PCDHA7: variants seen among roughly 807,000 people sequenced by gnomAD.
PCDHA7 encodes protocadherin alpha-7.
Under a neutral mutation model 57.2 loss-of-function variants are expected in PCDHA7, and 37 were observed. The observed-to-expected ratio is 0.65, with a 90% CI of 0.50 to 0.85. PCDHA7 has a LOEUF of 0.85. Among genes scored for constraint, PCDHA7 ranks in the 40% least tolerant of loss-of-function variants. The probability of loss-of-function intolerance (pLI) is 0.00; values close to 1 mark genes in which losing one functional copy is unlikely to be tolerated. For missense variants in PCDHA7, 1,188 were observed against 1,241.8 expected (o/e 0.96, Z 0.65); for synonymous variants, 553 against 558.8 (o/e 0.99, Z 0.15).
chr5:140,876,878 C>T (rs1305242755), intron 1 of PCDHA7: 1 of 1,614,118 alleles, frequency 6.2e-7, no homozygotes, highest in Admixed American at 1.7e-5. Context: ...GAGAACAACC[C>T]GCCGGGCTGC....
At chr5:140,950,559 T>TAA (rs1381352344) in intron 1 of PCDHA7, among the ~76,000 whole-genome samples, 1 of 152,076 alleles carries the variant, frequency 6.6e-6, no homozygotes, top group African/African-American at 2.4e-5. Flanking sequence ...GGGGGACACT[T>TAA]ATTTTAAGGT....
intron 1 of PCDHA7, chr5:140,881,346 A>G (rs534939044): frequency 1.0e-6 from 1 of 985,162 alleles, no homozygotes; most frequent in Non-Finnish European, 1.2e-6. Context: ...GATTCGGGCT[A>G]CAATGCGTGG....
At chr5:140,979,062 G>A in intron 2 of PCDHA7, 55 bp downstream of exon 2, 1 of 1,604,568 alleles carries the variant, frequency 6.2e-7, no homozygotes, top group Non-Finnish European at 8.5e-7. Flanking sequence ...GTATGGCTCA[G>A]ATAAACTGCA....
intron 1 of PCDHA7, chr5:140,966,586 T>C (rs1339521044): frequency 5.5e-6 from 3 of 548,910 alleles, no homozygotes; most frequent in Non-Finnish European, 8.8e-6. Flanking sequence ...GCGAGGACGG[T>C]GGGGCCAGGA....
At chr5:140,886,101 A>G (rs1554182351) in intron 1 of PCDHA7, among the ~76,000 whole-genome samples, 1 of 152,228 alleles carries the variant, frequency 6.6e-6, no homozygotes, top group Admixed American at 6.5e-5. Context: ...ACATTGATAC[A>G]GTAAAGAAGT....
At chr5:140,870,489 C>A in intron 1 of PCDHA7, 1 of 1,614,222 alleles carries the variant, frequency 6.2e-7, no homozygotes, top group South Asian at 1.1e-5. Context: ...ACACCGTGTT[C>A]GTGAAGGAGA....
At chr5:140,994,636 T>C (rs1243732393) in intron 3 of PCDHA7, among the ~76,000 whole-genome samples, 1 of 151,996 alleles carries the variant, frequency 6.6e-6, no homozygotes, top group Admixed American at 6.6e-5. Flanking sequence ...ACCTGGAAGG[T>C]GGAGGTTGCA....
At chr5:140,882,776 T>C in intron 1 of PCDHA7, 2 of 1,614,252 alleles carry the variant, frequency 1.2e-6, no homozygotes, top group Non-Finnish European at 1.7e-6. Context: ...GGCATTGACC[T>C]ACCGACTGGA....
intron 3 of PCDHA7, among the ~76,000 whole-genome samples, chr5:140,999,451 C>T (rs1245812469): frequency 4.6e-5 from 7 of 152,084 alleles, no homozygotes; most frequent in African/African-American, 9.7e-5. Context: ...ATTCGTTCAA[C>T]GAATAAGTGG....
chr5:140,953,992 G>A (rs1210096728), intron 1 of PCDHA7, among the ~76,000 whole-genome samples: 3 of 152,034 alleles, frequency 2.0e-5, no homozygotes, highest in Non-Finnish European at 2.9e-5. Context: ...ATTTTCATGT[G>A]TACTCATCAT....
chr5:140,958,020 A>G (rs536128192), intron 1 of PCDHA7, among the ~76,000 whole-genome samples: 90 of 152,262 alleles, frequency 5.9e-4, no homozygotes, highest in African/African-American at 2.1e-3. Context: ...TCAGCCAAGT[A>G]TACTATGCTT....
intron 1 of PCDHA7, chr5:140,877,919 T>A: frequency 7.0e-7 from 1 of 1,423,998 alleles, no homozygotes; most frequent in South Asian, 1.6e-5. Flanking sequence ...CTCTCATTTT[T>A]CTTTATGATT....
At chr5:140,844,475 T>C (rs1474799888) in intron 1 of PCDHA7, among the ~76,000 whole-genome samples, 1 of 148,876 alleles carries the variant, frequency 6.7e-6, no homozygotes. Flanking sequence ...TTTTTGAGCC[T>C]CTATGTTTAG....
chr5:140,942,733 T>C (rs1344147840), intron 1 of PCDHA7, among the ~76,000 whole-genome samples: 1 of 152,184 alleles, frequency 6.6e-6, no homozygotes, highest in Non-Finnish European at 1.5e-5. Context: ...TTGAAAAATA[T>C]TTTAAAATCT....
intron 1 of PCDHA7, among the ~76,000 whole-genome samples, chr5:140,839,019 G>T (rs1394721397): frequency 3.9e-5 from 6 of 151,970 alleles, no homozygotes; most frequent in Non-Finnish European, 8.8e-5. Context: ...AATTATTTTA[G>T]GATATGTTAC....
Position 140,853,860 on chromosome 5 carries a change from C to T in PCDHA7, c.2355+17122C>T, listed in dbSNP as rs2042890748. The T allele has an allele frequency of 9.1e-6, 9 of 984,410 alleles. No individual in the cohort carries two copies. In the South Asian group the frequency reaches 3.3e-4, roughly 36 times the overall value. The allele number at this position is 984,410 out of a possible 1,614,324, so 61.0% of individuals were successfully genotyped here. On this transcript the variant is annotated intron_variant, in intron 1 of 3. Coordinates refer to ENST00000525929, the MANE Select transcript of PCDHA7 (RefSeq NM_018910.3). ...TTTAGATCCATAGCCCTATTTGATA[C>T]TTGACAGTGCAAGTTTCTGTAATTT...
chr5:140,896,782 T>C (rs2065751809), intron 1 of PCDHA7, among the ~76,000 whole-genome samples: 1 of 152,206 alleles, frequency 6.6e-6, no homozygotes, highest in African/African-American at 2.4e-5. Context: ...AGTTTGCTGA[T>C]ATTTTCTCCC....
chr5:140,924,901 A>AAAATAAAAT (rs1554202314), intron 1 of PCDHA7, among the ~76,000 whole-genome samples: 2 of 80,456 alleles, frequency 2.5e-5, no homozygotes, highest in African/African-American at 8.6e-5. Context: ...TCTCAAAAAA[A>AAAATAAAAT]AAAATAAAAT....
chr5:140,947,188 T>C (rs2153678869), intron 1 of PCDHA7, among the ~76,000 whole-genome samples: 1 of 151,448 alleles, frequency 6.6e-6, no homozygotes, highest in South Asian at 2.1e-4. Context: ...CATGGTATAC[T>C]ACACAGCCTT....
Sources: allele counts gnomAD v4.1 joint callset (sites outside exome capture counted in the v4.1 genomes callset), GRCh38; gene constraint gnomAD v4.1.1; transcripts MANE v1.5; gene names NCBI Gene and HGNC (gene_info 2026-07-23, HGNC 2026-07-21).